TRIM44: variants seen among roughly 807,000 people sequenced by gnomAD.
The protein encoded by TRIM44 is tripartite motif containing 44.
In TRIM44, 13 loss-of-function variants were observed where a neutral mutation model predicts 37.4. The ratio of observed to expected loss-of-function variants is 0.35; its 90% CI spans 0.23 to 0.55. The LOEUF is 0.55. Ranked by LOEUF, TRIM44 falls within the 20% of genes least tolerant of loss-of-function variation. The probability of loss-of-function intolerance (pLI) is 0.89; values close to 1 mark genes in which losing one functional copy is unlikely to be tolerated. For missense variants in TRIM44, 426 were observed against 437.2 expected, an observed-to-expected ratio of 0.97 and a Z score of 0.23; for synonymous variants, 175 against 157.2, an observed-to-expected ratio of 1.11 and a Z score of -0.85.
chr11:35,748,596 T>C (rs1392606806), intron 4 of TRIM44, among the ~76,000 whole-genome samples: 1 of 152,362 alleles, frequency 6.6e-6, no homozygotes, highest in Non-Finnish European at 1.5e-5. Context: ...GAACCTATAC[T>C]ATTCTATAGA....
chr11:35,791,780 T>C (rs1453099984), intron 4 of TRIM44, among the ~76,000 whole-genome samples: 1 of 152,178 alleles, frequency 6.6e-6, no homozygotes, highest in Non-Finnish European at 1.5e-5. Context: ...AATTTAGCAC[T>C]TCTTCTCTTA....
chr11:35,721,819 T>G (rs751009286), intron 2 of TRIM44, among the ~76,000 whole-genome samples: 1 of 152,168 alleles, frequency 6.6e-6, no homozygotes, highest in East Asian at 1.9e-4. Flanking sequence ...GCCTGGTGGG[T>G]GGGCAGTTGT....
intron 4 of TRIM44, among the ~76,000 whole-genome samples, chr11:35,754,814 T>A (rs1039786984): frequency 8.5e-5 from 13 of 152,154 alleles, no homozygotes; most frequent in Non-Finnish European, 1.8e-4. Flanking sequence ...TTCATCCATG[T>A]CCCTACAAAG....
chr11:35,753,760 C>G (rs1256377940), intron 4 of TRIM44, among the ~76,000 whole-genome samples: 2 of 151,618 alleles, frequency 1.3e-5, no homozygotes, highest in Admixed American at 6.6e-5. Flanking sequence ...GAGTCTCGCT[C>G]TGTCACTCAG....
At chr11:35,730,740 A>G (rs565393454) in intron 3 of TRIM44, among the ~76,000 whole-genome samples, 3 of 151,968 alleles carry the variant, frequency 2.0e-5, no homozygotes, top group Non-Finnish European at 4.4e-5. Context: ...ATTTATTCCT[A>G]GTTATTTAAT....
chr11:35,735,462 GCTTGT>G lies in TRIM44; in HGVS notation c.1007+21_1007+25del. 6.2e-7 allele frequency: 1 copy of G among 1,613,386 alleles called. No homozygotes were observed. The highest frequency in any genetic ancestry group is 1.1e-5 in the South Asian group (1 of 91,038). ...AGGACCCAGGTAAGATCACATTGTT[GCTTGT>G]CTTTTCTCATAATTGAAGTAGAGTG... On this transcript the variant is annotated intron_variant, in intron 4 of 4. Coordinates refer to ENST00000299413, the MANE Select transcript of TRIM44 (RefSeq NM_017583.6).
At chr11:35,743,669 A>T (rs1590561752) in intron 4 of TRIM44, among the ~76,000 whole-genome samples, 1 of 152,122 alleles carries the variant, frequency 6.6e-6, no homozygotes, top group African/African-American at 2.4e-5. Flanking sequence ...CACGTTTATT[A>T]CATAAAAGAC....
intron 4 of TRIM44, among the ~76,000 whole-genome samples, chr11:35,777,695 T>C (rs1247399004): frequency 1.3e-5 from 2 of 152,200 alleles, no homozygotes; most frequent in African/African-American, 4.8e-5. Flanking sequence ...TAAAGGATTT[T>C]ATTTCTCCTT....
intron 4 of TRIM44, among the ~76,000 whole-genome samples, chr11:35,745,455 T>C (rs1257935463): frequency 6.6e-6 from 1 of 152,198 alleles, no homozygotes; most frequent in African/African-American, 2.4e-5. Context: ...TTTTCTCCTG[T>C]CTTCCTCTAA....
intron 4 of TRIM44, among the ~76,000 whole-genome samples, chr11:35,778,253 A>G (rs1387577901): frequency 1.3e-5 from 2 of 152,058 alleles, no homozygotes; most frequent in Admixed American, 6.6e-5. Flanking sequence ...CAAATCAGCT[A>G]CTGAACCTGG....
chr11:35,775,593 A>G (rs1852945441), intron 4 of TRIM44, among the ~76,000 whole-genome samples: 1 of 152,154 alleles, frequency 6.6e-6, no homozygotes, highest in Non-Finnish European at 1.5e-5. Context: ...TCAGTATGAT[A>G]TTGGCTGTGG....
intron 4 of TRIM44, among the ~76,000 whole-genome samples, chr11:35,736,018 C>T (rs958658425): frequency 2.0e-5 from 3 of 152,066 alleles, no homozygotes; most frequent in Admixed American, 6.6e-5. Context: ...TGCAGTGAAC[C>T]TGGACTGTGG....
At chr11:35,783,405 A>G (rs759612731) in intron 4 of TRIM44, among the ~76,000 whole-genome samples, 7 of 152,156 alleles carry the variant, frequency 4.6e-5, no homozygotes, top group Admixed American at 6.6e-5. Flanking sequence ...CTTTTAATTT[A>G]TGTGACCCAC....
rs1230867842 is a variant in TRIM44, at chr11:35,816,550, T to C, written c.*10165T>C. 1 of 152,132 alleles carries C rather than the reference T, an allele frequency of 6.6e-6. No individual in the cohort carries two copies. Among genetic ancestry groups the C allele is most frequent in the Non-Finnish European group, 1.5e-5 (1 of 68,026 alleles). The allele number at this position is 152,132 out of a possible 1,614,324, so 9.4% of individuals were successfully genotyped here. The stretch of plus-strand genomic sequence containing the variant: ...GAGGGTAGACCTAAGAGTAATGGAA[T>C]GGAGTGAAAAGTAAAATTTAGACTA... On this transcript the variant is annotated 3_prime_UTR_variant, in exon 5 of 5. Transcript: ENST00000299413.
chr11:35,689,368 A>G (rs2135492962), intron 2 of TRIM44, among the ~76,000 whole-genome samples: 1 of 152,368 alleles, frequency 6.6e-6, no homozygotes, highest in South Asian at 2.1e-4. Context: ...TAAAGGGTAC[A>G]TACCTCTGGG....
chr11:35,662,951 G>T lies in TRIM44; in HGVS notation c.-161G>T. ...GGTCTTTGCTGCTGCGCCCGGGCAG[G>T]GGCTGCCGCGGCCCCAGGTCCCGCT... On this transcript the variant is annotated 5_prime_UTR_variant, in exon 1 of 5. Transcript: ENST00000299413. 1 of 1,260,992 alleles carries T rather than the reference G, an allele frequency of 7.9e-7. No individual in the cohort carries two copies. The highest frequency in any genetic ancestry group is 1.0e-6 in the Non-Finnish European group (1 of 971,662). The allele number at this position is 1,260,992 out of a possible 1,614,324, so 78.1% of individuals were successfully genotyped here. A position where few individuals can be genotyped will look rare whatever the true frequency, so the allele number is the denominator to read the frequency against.
intron 2 of TRIM44, among the ~76,000 whole-genome samples, chr11:35,698,247 C>T (rs1412405413): frequency 2.1e-5 from 3 of 144,924 alleles, no homozygotes; most frequent in African/African-American, 7.8e-5. Context: ...AATAAACATA[C>T]ATGTGCATGT....
Position 35,810,264 on chromosome 11 carries a change from A to G in TRIM44, c.*3879A>G, listed in dbSNP as rs1853512520. The G allele has an allele frequency of 1.3e-5, 2 of 152,134 alleles. No homozygotes were observed. The highest frequency in any genetic ancestry group is 2.4e-5 in the African/African-American group (1 of 41,420). The allele number at this position is 152,134 out of a possible 1,614,324, so 9.4% of individuals were successfully genotyped here. Reference sequence around the variant, plus strand: ...GAAGTCCTCTCTCCCCAAGTAGAAAATATTCTCTTGCCATTCCTGAAATTC... The same window carrying G: ...GAAGTCCTCTCTCCCCAAGTAGAAAGTATTCTCTTGCCATTCCTGAAATTC... On this transcript the variant is annotated 3_prime_UTR_variant, in exon 5 of 5. Coordinates refer to ENST00000299413, the MANE Select transcript of TRIM44 (RefSeq NM_017583.6).
At chr11:35,757,300 A>G (rs1452554646) in intron 4 of TRIM44, among the ~76,000 whole-genome samples, 3 of 152,148 alleles carry the variant, frequency 2.0e-5, no homozygotes, top group African/African-American at 4.8e-5. Flanking sequence ...AGAGGTGTTT[A>G]TAGTATTCTC....
Sources: gnomAD v4.1 joint callset for allele counts (sites outside exome capture counted in the v4.1 genomes callset) on GRCh38, gnomAD v4.1.1 for gene constraint, MANE v1.5 for transcripts, NCBI Gene and HGNC (gene_info 2026-07-23, HGNC 2026-07-21) for gene names.